The following TMPRSS11F variants were observed in gnomAD, a reference collection of about 807,000 sequenced individuals.
TMPRSS11F encodes the protein transmembrane serine protease 11F.
In TMPRSS11F, 47 loss-of-function variants were observed where a neutral mutation model predicts 60.2. That is an observed-to-expected ratio of 0.78 (90% CI 0.62 to 1.00). The LOEUF is 1.00. TMPRSS11F is among the 50% of genes least tolerant of loss of function. The pLI is 0.00. For synonymous variants in TMPRSS11F, 166 were observed against 167.3 expected (o/e 0.99, Z 0.06); for missense variants, 519 against 522.9 (o/e 0.99, Z 0.07).
chr4:68,069,423 C>A (rs1723404323), intron 6 of TMPRSS11F, among the ~76,000 whole-genome samples: 1 of 152,206 alleles, frequency 6.6e-6, no homozygotes. Context: ...AAAAAAAATT[C>A]TTCTTCCCTG....
At chr4:68,061,916 TA>T (rs1257613253) in intron 8 of TMPRSS11F, 4 of 426,376 alleles carry the variant, frequency 9.4e-6, no homozygotes, top group African/African-American at 2.1e-5. Flanking sequence ...ATTAACATAT[TA>T]AAAACATTCC....
chr4:68,055,174 G>A (rs1451823292), intron 9 of TMPRSS11F, among the ~76,000 whole-genome samples: 1 of 152,308 alleles, frequency 6.6e-6, no homozygotes, highest in East Asian at 1.9e-4. Context: ...AGTGTGTGAT[G>A]AGTCTGGAAG....
chr4:68,082,841 A>T (rs1171866378), intron 3 of TMPRSS11F, among the ~76,000 whole-genome samples: 4 of 152,230 alleles, frequency 2.6e-5, no homozygotes, highest in African/African-American at 9.6e-5. Flanking sequence ...CTCTACAGGG[A>T]TAATCCAGAA....
At chr4:68,110,602 T>A (rs560380729) in intron 1 of TMPRSS11F, among the ~76,000 whole-genome samples, 1 of 152,276 alleles carries the variant, frequency 6.6e-6, no homozygotes, top group African/African-American at 2.4e-5. Context: ...GTAGGCAAGA[T>A]ACTGAACCTT....
At chr4:68,124,996 G>A (rs953135188) in intron 1 of TMPRSS11F, among the ~76,000 whole-genome samples, 2 of 86,898 alleles carry the variant, frequency 2.3e-5, no homozygotes, top group Non-Finnish European at 4.3e-5. Context: ...TTCAATCCTT[G>A]ATGCTTAGTT....
intron 1 of TMPRSS11F, among the ~76,000 whole-genome samples, chr4:68,104,256 G>A (rs761859628): frequency 3.9e-5 from 6 of 152,222 alleles, no homozygotes; most frequent in East Asian, 1.9e-4. Context: ...CACTGATTAC[G>A]ATATTGGTTG....
intron 2 of TMPRSS11F, among the ~76,000 whole-genome samples, chr4:68,094,574 AT>A (rs949391487): frequency 4.7e-5 from 7 of 149,862 alleles, no homozygotes; most frequent in African/African-American, 1.7e-4. Flanking sequence ...AAATTTAAAA[AT>A]AAATAAATAA....
chr4:68,061,401 G>C (rs909654577), intron 8 of TMPRSS11F, among the ~76,000 whole-genome samples: 12 of 152,294 alleles, frequency 7.9e-5, no homozygotes, highest in Non-Finnish European at 1.6e-4. Flanking sequence ...ATAAAGTCTA[G>C]TCACAAGTTA....
chr4:68,078,536 T>C (rs920298), intron 3 of TMPRSS11F, among the ~76,000 whole-genome samples: 145,376 of 152,330 alleles, frequency 0.95, 69,764 homozygotes, highest in East Asian at 1. Flanking sequence ...ATATCCAATG[T>C]TCCACACATT....
rs934239873 is a variant in TMPRSS11F at position 68,053,743 on chromosome 4, T to A, written c.*166A>T. 1.4e-5 allele frequency: 8 copies of A among 561,606 alleles called. No homozygotes were observed. Among genetic ancestry groups the A allele is most frequent in the Middle Eastern group, 4.7e-4 (1 of 2,144 alleles). 34.8% of individuals were successfully genotyped at this position (561,606 alleles called of 1,614,324 possible). A position where few individuals can be genotyped will look rare whatever the true frequency, so the allele number is the denominator to read the frequency against. ...TTCCCTCATGGTAGAGAGGGTTTGG[T>A]CCTACGTATGTAAAGGCCACCTCAG... On this transcript the variant is annotated 3_prime_UTR_variant, in exon 10 of 10. Coordinates refer to ENST00000356291, the MANE Select transcript of TMPRSS11F (RefSeq NM_207407.2).
At chr4:68,059,852 C>T (rs376821408) in intron 8 of TMPRSS11F, among the ~76,000 whole-genome samples, 2 of 152,244 alleles carry the variant, frequency 1.3e-5, no homozygotes, top group African/African-American at 4.8e-5. Context: ...ACTGACATTC[C>T]TAAAGCTATT....
At chr4:68,073,577 T>C (rs567291974) in intron 4 of TMPRSS11F, among the ~76,000 whole-genome samples, 1 of 152,304 alleles carries the variant, frequency 6.6e-6, no homozygotes. Context: ...AGAAACACTT[T>C]ACTGTGGAGA....
chr4:68,073,024 T>C (rs80056767), intron 4 of TMPRSS11F, among the ~76,000 whole-genome samples: 6,191 of 152,146 alleles, frequency 0.041, 371 homozygotes, highest in African/African-American at 0.13. Context: ...GAAATAATGT[T>C]CCCCACTTCC....
At chr4:68,099,092 T>A (rs1280927216) in intron 1 of TMPRSS11F, 54 bp from the exon 2 acceptor site, 1 of 1,451,604 alleles carries the variant, frequency 6.9e-7, no homozygotes, top group Non-Finnish European at 9.5e-7. Flanking sequence ...AGTTCAACTT[T>A]ATGTTTACTT....
chr4:68,104,690 C>T (rs1437079616), intron 1 of TMPRSS11F, among the ~76,000 whole-genome samples: 2 of 152,140 alleles, frequency 1.3e-5, no homozygotes, highest in East Asian at 1.9e-4. Context: ...AGTACACCTT[C>T]TATTCCAAAA....
At chr4:68,070,065 G>A (rs1577914717) in intron 5 of TMPRSS11F, 58 bp from the exon 6 acceptor site, 3 of 1,451,262 alleles carry the variant, frequency 2.1e-6, no homozygotes, top group Non-Finnish European at 2.9e-6. Flanking sequence ...TTTTCATGTT[G>A]TGTTGTTCAA....
chr4:68,099,652 C>A (rs2109872030), intron 1 of TMPRSS11F, among the ~76,000 whole-genome samples: 1 of 152,238 alleles, frequency 6.6e-6, no homozygotes, highest in South Asian at 2.1e-4. Flanking sequence ...AAATAAGATT[C>A]AATATTGTGA....
At chr4:68,117,280 A>G (rs1235034557) in intron 1 of TMPRSS11F, among the ~76,000 whole-genome samples, 3 of 151,980 alleles carry the variant, frequency 2.0e-5, no homozygotes, top group Non-Finnish European at 4.4e-5. Context: ...ATCCAGGCTA[A>G]CACGGTGAAA....
intron 4 of TMPRSS11F, 21 bp downstream of exon 4, chr4:68,073,921 T>A: frequency 1.3e-6 from 2 of 1,511,936 alleles, no homozygotes; most frequent in South Asian, 2.5e-5. Flanking sequence ...TAACTTGAAA[T>A]TATAAACCAA....
Sources: allele counts gnomAD v4.1 joint callset (sites outside exome capture counted in the v4.1 genomes callset), GRCh38; gene constraint gnomAD v4.1.1; transcripts MANE v1.5; gene names NCBI Gene and HGNC (gene_info 2026-07-23, HGNC 2026-07-21).